DUSP19: variants seen among roughly 807,000 people sequenced by gnomAD.
The protein encoded by DUSP19 is dual specificity phosphatase 19.
A neutral mutation model predicts 16.6 loss-of-function variants in DUSP19; 14 were observed. The ratio of observed to expected loss-of-function variants is 0.84; its 90% CI spans 0.56 to 1.32. The LOEUF is 1.32. DUSP19 is among the 40% of genes most tolerant of loss of function. DUSP19 has a pLI of 0.00. For synonymous variants in DUSP19, 81 were observed against 90.5 expected, an observed-to-expected ratio of 0.90 and a Z score of 0.59; for missense variants, 258 against 255.9, an observed-to-expected ratio of 1.01 and a Z score of -0.06.
chr2:183,088,739 A>G (rs1375179581), intron 3 of DUSP19, among the ~76,000 whole-genome samples: 2 of 152,074 alleles, frequency 1.3e-5, no homozygotes, highest in Admixed American at 1.3e-4. Flanking sequence ...GAGGTTTTTT[A>G]ATTCAAAGCC....
Position 183,078,826 on chromosome 2 carries a change from G to A in DUSP19, c.-108G>A. ...CTGCTGCGGTTACCTGGATGGGCGA[G>A]CACCTCTGAGGCTGGCTTTGTTACC... is the stretch of plus-strand genomic sequence containing the variant. On this transcript the variant is annotated 5_prime_UTR_variant, in exon 1 of 4. Coordinates refer to ENST00000354221, the MANE Select transcript of DUSP19 (RefSeq NM_080876.4). 1 of 941,906 alleles carries A rather than the reference G, an allele frequency of 1.1e-6. No homozygotes were observed. The highest frequency in any genetic ancestry group is 1.6e-6 in the Non-Finnish European group (1 of 627,562). 58.3% of individuals were successfully genotyped at this position (941,906 alleles called of 1,614,324 possible).
chr2:183,092,767 G>T (rs1699749232), intron 3 of DUSP19, among the ~76,000 whole-genome samples: 1 of 139,740 alleles, frequency 7.2e-6, no homozygotes, highest in African/African-American at 2.7e-5. Flanking sequence ...GCAGTGGCAT[G>T]ATCTCAGCTC....
intron 2 of DUSP19, 112 bp downstream of exon 2, chr2:183,083,666 AT>A: frequency 1.2e-6 from 1 of 816,198 alleles, no homozygotes; most frequent in Non-Finnish European, 1.8e-6. Flanking sequence ...ATTTGGTAAC[AT>A]TTTGGCTATC....
intron 3 of DUSP19, among the ~76,000 whole-genome samples, chr2:183,089,619 G>C (rs1399580978): frequency 6.6e-6 from 1 of 152,176 alleles, no homozygotes; most frequent in East Asian, 1.9e-4. Context: ...TGAAAGCAGG[G>C]GAGAGCAGTC....
chr2:183,098,453 C>G lies in DUSP19; in HGVS notation c.*2795C>G, dbSNP rs1699832558. The G allele has an allele frequency of 6.6e-6, 1 of 152,176 alleles. No homozygotes were observed. Among genetic ancestry groups the G allele is most frequent in the African/African-American group, 2.4e-5 (1 of 41,436 alleles). The allele number at this position is 152,176 out of a possible 1,614,324, so 9.4% of individuals were successfully genotyped here. A position where few individuals can be genotyped will look rare whatever the true frequency, so the allele number is the denominator to read the frequency against. On this transcript the variant is annotated 3_prime_UTR_variant, in exon 4 of 4. Transcript: ENST00000354221. ...GCACTTCCCATGGGGATAAATCACT[C>G]TGTCATTCCTAGTTATTTTAAAAAA...
At chr2:183,093,296 G>A (rs973074971) in intron 3 of DUSP19, among the ~76,000 whole-genome samples, 2 of 152,162 alleles carry the variant, frequency 1.3e-5, no homozygotes, top group African/African-American at 4.8e-5. Context: ...CAGAACAAAT[G>A]TATTCACTTA....
intron 1 of DUSP19, among the ~76,000 whole-genome samples, chr2:183,082,784 C>T (rs1308119396): frequency 3.9e-5 from 6 of 151,950 alleles, no homozygotes; most frequent in Non-Finnish European, 4.4e-5. Context: ...CTTTCTCTCT[C>T]TCTCCCTCTC....
At chr2:183,082,149 T>C (rs926644476) in intron 1 of DUSP19, among the ~76,000 whole-genome samples, 3 of 152,180 alleles carry the variant, frequency 2.0e-5, no homozygotes, top group Non-Finnish European at 4.4e-5. Flanking sequence ...TACTGGGTGT[T>C]CCCAAACCAG....
Position 183,095,677 on chromosome 2 carries a change from A to G in DUSP19, c.*19A>G, listed in dbSNP as rs373510412. ...TTCATGAGTTGCATTGTAGCAGACA[A>G]TGGACAACTGTAGTTTCTGAATTGA... On this transcript the variant is annotated 3_prime_UTR_variant, in exon 4 of 4. Transcript: ENST00000354221. 27 of 1,579,474 alleles carry G rather than the reference A, an allele frequency of 1.7e-5. No homozygotes were observed. The African/African-American group carries it at 3.0e-4, about 17-fold the overall frequency.
intron 3 of DUSP19, among the ~76,000 whole-genome samples, chr2:183,088,800 G>T (rs1699696668): frequency 6.6e-6 from 1 of 152,188 alleles, no homozygotes. Context: ...GCTCTGGATT[G>T]TAACATTCCA....
At chr2:183,087,608 T>C (rs528223971) in intron 3 of DUSP19, among the ~76,000 whole-genome samples, 1 of 152,360 alleles carries the variant, frequency 6.6e-6, no homozygotes, top group Non-Finnish European at 1.5e-5. Context: ...AGAAGACCAA[T>C]AGCCAATGTC....
At position 183,085,847 on chromosome 2, in the gene DUSP19, G is replaced by GTTTT. The variant is rs71008261; in HGVS notation, c.274-1160_274-1157dup. 1.9e-3 allele frequency among the ~76,000 whole-genome samples: 97 copies of GTTTT among 50,922 alleles called. 31 individuals carry two copies. The highest frequency in any genetic ancestry group is 2.9e-3 in the Non-Finnish European group (79 of 27,388). The allele number at this position is 50,922 out of a possible 152,430, so 33.4% of individuals were successfully genotyped here. ...GTACAGATGTGGACAAGGTTGTTAG[G>GTTTT]TTTTTTTTTTTTTTTTTTTTTTTTT... On this transcript the variant is annotated intron_variant, in intron 2 of 3. Transcript: ENST00000354221.
Position 183,095,985 on chromosome 2 carries a change from T to C in DUSP19, c.*327T>C, listed in dbSNP as rs371465234. 4.6e-4 allele frequency: 76 copies of C among 164,802 alleles called. No individual in the cohort carries two copies. The highest frequency in any genetic ancestry group is 1.7e-3 in the African/African-American group (73 of 42,102). The allele number at this position is 164,802 out of a possible 1,614,324, so 10.2% of individuals were successfully genotyped here. On this transcript the variant is annotated 3_prime_UTR_variant, in exon 4 of 4. Coordinates refer to ENST00000354221, the MANE Select transcript of DUSP19 (RefSeq NM_080876.4). ...TTAGAGCATGGAGAGAATCATTTAA[T>C]GAAGCCTATTTTTCTGTTCCAGCAA...
At chr2:183,087,015 A>G (rs1294601055) in intron 2 of DUSP19, 25 bp from the exon 3 acceptor site, 2 of 1,597,208 alleles carry the variant, frequency 1.3e-6, no homozygotes, top group Admixed American at 1.7e-5. Flanking sequence ...ATTTAAAACA[A>G]TCATCTTTTT....
chr2:183,083,145 A>C (rs998126924), intron 1 of DUSP19, among the ~76,000 whole-genome samples: 2 of 152,170 alleles, frequency 1.3e-5, no homozygotes, highest in African/African-American at 4.8e-5. Flanking sequence ...TAATGGTGGT[A>C]ATGGCTGTAT....
intron 1 of DUSP19, 66 bp from the exon 2 acceptor site, chr2:183,083,442 G>A: frequency 2.1e-6 from 3 of 1,424,588 alleles, no homozygotes; most frequent in Non-Finnish European, 2.9e-6. Context: ...AATTGCTGTA[G>A]AAATTTATAT....
rs998576102 is a variant in DUSP19 at position 183,096,449 on chromosome 2, C to G, written c.*791C>G. 2.6e-5 allele frequency: 4 copies of G among 152,044 alleles called. No individual in the cohort carries two copies. The South Asian group carries it at 8.3e-4, about 32-fold the overall frequency. 9.4% of individuals were successfully genotyped at this position (152,044 alleles called of 1,614,324 possible). A position where few individuals can be genotyped will look rare whatever the true frequency, so the allele number is the denominator to read the frequency against. On this transcript the variant is annotated 3_prime_UTR_variant, in exon 4 of 4. Coordinates refer to ENST00000354221, the MANE Select transcript of DUSP19 (RefSeq NM_080876.4). ...ATGGAGTCTCACCACATAGGCCAGG[C>G]AGTCTCGAACTCCTGACCTCAGGTG...
chr2:183,091,251 C>T (rs968660973), intron 3 of DUSP19, among the ~76,000 whole-genome samples: 21 of 152,048 alleles, frequency 1.4e-4, no homozygotes, highest in African/African-American at 4.4e-4. Flanking sequence ...TTTTTAGATG[C>T]TTCTGTTACA....
Position 183,095,570 on chromosome 2 carries a change from C to T in DUSP19, c.566C>T (p.Pro189Leu). ...AAAAATGCAAGACCTTCCATATGTC[C>T]AAATTCTGGCTTCATGGAGCAGCTT... Reference protein sequence around the residue: ...LVKNARPSICPNSGFMEQLRT... With the variant: ...LVKNARPSICLNSGFMEQLRT... The change falls in exon 4 of 4, where the codon CCA (proline) becomes CTA (leucine). Residue 189 changes from proline (P) to leucine (L), a missense_variant. Coordinates refer to ENST00000354221, the MANE Select transcript of DUSP19 (RefSeq NM_080876.4). 1 of 1,613,928 alleles carries T rather than the reference C, an allele frequency of 6.2e-7. No individual in the cohort carries two copies. Among genetic ancestry groups the T allele is most frequent in the Middle Eastern group, 1.7e-4 (1 of 6,060 alleles).
Sources: gnomAD v4.1 joint callset for allele counts (sites outside exome capture counted in the v4.1 genomes callset) on GRCh38, gnomAD v4.1.1 for gene constraint, MANE v1.5 for transcripts, NCBI Gene and HGNC (gene_info 2026-07-23, HGNC 2026-07-21) for gene names.